The following MGAT5 variants were observed in gnomAD, a reference collection of about 807,000 sequenced individuals.
MGAT5 encodes the protein alpha-1,6-mannosylglycoprotein 6-beta-N-acetylglucosaminyltransferase, also known as alpha-1,6-mannosylglycoprotein 6-beta-N-acetylglucosaminyltransferase A.
Under a neutral mutation model 94.3 loss-of-function variants are expected in MGAT5, and 30 were observed. That is an observed-to-expected ratio of 0.32 (90% CI 0.24 to 0.43). MGAT5 has a LOEUF of 0.43. MGAT5 is among the 20% of genes least tolerant of loss of function. The pLI, the probability that MGAT5 is intolerant of heterozygous loss-of-function variation, is 1.00. For missense variants in MGAT5, 691 were observed against 905.5 expected, an observed-to-expected ratio of 0.76 and a Z score of 3.04; for synonymous variants, 310 against 322.9, an observed-to-expected ratio of 0.96 and a Z score of 0.43.
At chr2:134,341,281 A>C (rs1688616906) in intron 6 of MGAT5, among the ~76,000 whole-genome samples, 1 of 152,202 alleles carries the variant, frequency 6.6e-6, no homozygotes, top group Non-Finnish European at 1.5e-5. Context: ...TAGTGTTAGA[A>C]AATACTGTCC....
At chr2:134,316,794 A>G (rs1687021261) in intron 2 of MGAT5, among the ~76,000 whole-genome samples, 1 of 152,140 alleles carries the variant, frequency 6.6e-6, no homozygotes, top group Non-Finnish European at 1.5e-5. Flanking sequence ...AGCTAGGAGG[A>G]GCATATTGAA....
intron 13 of MGAT5, 69 bp from the exon 14 acceptor site, chr2:134,428,296 C>T (rs1684696900): frequency 1.2e-5 from 17 of 1,432,436 alleles, no homozygotes; most frequent in East Asian, 2.3e-5. Context: ...TTGAGTGAGT[C>T]GGAGGACTGA....
chr2:134,349,270 GAT>G (rs1362512399), intron 8 of MGAT5, among the ~76,000 whole-genome samples: 4 of 152,078 alleles, frequency 2.6e-5, no homozygotes, highest in Admixed American at 2.6e-4. Context: ...ATTACTATCA[GAT>G]ATATAAAAAA....
intron 1 of MGAT5, among the ~76,000 whole-genome samples, chr2:134,141,829 G>A (rs541089099): frequency 1.4e-4 from 21 of 152,350 alleles, no homozygotes; most frequent in Non-Finnish European, 2.4e-4. Flanking sequence ...GGAGCTGCTG[G>A]GGATGGGGCG....
intron 10 of MGAT5, among the ~76,000 whole-genome samples, chr2:134,401,232 C>A (rs1683033956): frequency 6.6e-6 from 1 of 152,180 alleles, no homozygotes; most frequent in East Asian, 1.9e-4. Context: ...ACCCACCCGC[C>A]AAAACTGGCA....
chr2:134,275,890 T>C (rs1406755485), intron 2 of MGAT5, among the ~76,000 whole-genome samples: 1 of 152,074 alleles, frequency 6.6e-6, no homozygotes, highest in Non-Finnish European at 1.5e-5. Flanking sequence ...GACTGGCCTA[T>C]TTATTTCTAA....
chr2:134,182,553 A>G (rs1688783312), intron 1 of MGAT5, among the ~76,000 whole-genome samples: 1 of 152,138 alleles, frequency 6.6e-6, no homozygotes, highest in African/African-American at 2.4e-5. Context: ...CATCATTGGT[A>G]TGCAGCATGA....
At chr2:134,404,603 C>T (rs1442664382) in intron 11 of MGAT5, among the ~76,000 whole-genome samples, 1 of 152,172 alleles carries the variant, frequency 6.6e-6, no homozygotes, top group Non-Finnish European at 1.5e-5. Context: ...TCTTAGTGGA[C>T]ACCCACTAGC....
chr2:134,262,791 G>A (rs1683418873), intron 1 of MGAT5, among the ~76,000 whole-genome samples: 1 of 152,186 alleles, frequency 6.6e-6, no homozygotes, highest in African/African-American at 2.4e-5. Flanking sequence ...TAGATCTGAC[G>A]TTGTTCATTT....
chr2:134,314,127 G>C (rs1686862272), intron 2 of MGAT5, among the ~76,000 whole-genome samples: 1 of 152,204 alleles, frequency 6.6e-6, no homozygotes, highest in Admixed American at 6.5e-5. Flanking sequence ...TTCCCGGTCA[G>C]GTTTGGGAGC....
At chr2:134,432,116 A>T (rs548014218) in intron 14 of MGAT5, among the ~76,000 whole-genome samples, 1 of 152,220 alleles carries the variant, frequency 6.6e-6, no homozygotes, top group Non-Finnish European at 1.5e-5. Context: ...GGTTTTCATT[A>T]TGCATTTCTT....
chr2:134,271,224 C>T (rs201009831), intron 2 of MGAT5, among the ~76,000 whole-genome samples: 2 of 141,448 alleles, frequency 1.4e-5, no homozygotes. Flanking sequence ...AGAACCCCCC[C>T]ATCCCCGCAA....
At chr2:134,310,649 T>C (rs1432141252) in intron 2 of MGAT5, among the ~76,000 whole-genome samples, 1 of 152,228 alleles carries the variant, frequency 6.6e-6, no homozygotes, top group Non-Finnish European at 1.5e-5. Flanking sequence ...TTCCTATTGC[T>C]GTGGGGCCCT....
At chr2:134,204,774 A>G (rs1679952106) in intron 1 of MGAT5, among the ~76,000 whole-genome samples, 1 of 152,126 alleles carries the variant, frequency 6.6e-6, no homozygotes, top group Non-Finnish European at 1.5e-5. Flanking sequence ...CTCTCTGGGG[A>G]TACTATGGGA....
At chr2:134,229,465 A>C (rs558253155) in intron 1 of MGAT5, among the ~76,000 whole-genome samples, 1 of 152,344 alleles carries the variant, frequency 6.6e-6, no homozygotes, top group African/African-American at 2.4e-5. Flanking sequence ...GTATTAATTA[A>C]TCAGCTAAAT....
chr2:134,363,118 T>C (rs1363199228), intron 10 of MGAT5, among the ~76,000 whole-genome samples: 1 of 149,712 alleles, frequency 6.7e-6, no homozygotes, highest in Admixed American at 6.6e-5. Context: ...ATTGGCCAAA[T>C]GTCATAATTT....
chr2:134,324,788 G>T (rs1013386793), intron 4 of MGAT5, among the ~76,000 whole-genome samples: 6 of 152,048 alleles, frequency 3.9e-5, no homozygotes, highest in Non-Finnish European at 8.8e-5. Context: ...TCACCGGATT[G>T]TTGCCCGAGA....
At chr2:134,125,442 C>A (rs372811625) in intron 1 of MGAT5, among the ~76,000 whole-genome samples, 4 of 152,104 alleles carry the variant, frequency 2.6e-5, no homozygotes, top group African/African-American at 7.2e-5. Context: ...CAACCTAAGC[C>A]GAGAGGGCTT....
At chr2:134,336,324 C>G (rs1218414540) in intron 5 of MGAT5, 36 bp downstream of exon 5, 1 of 1,541,044 alleles carries the variant, frequency 6.5e-7, no homozygotes, top group Non-Finnish European at 9.0e-7. Context: ...TAGACTTGTG[C>G]ATTTAGGTCA....
Sources: allele counts gnomAD v4.1 joint callset (sites outside exome capture counted in the v4.1 genomes callset), GRCh38; gene constraint gnomAD v4.1.1; transcripts MANE v1.5; gene names NCBI Gene and HGNC (gene_info 2026-07-23, HGNC 2026-07-21).